Variants in MGAT4D observed in about 807,000 individuals in gnomAD.
The protein encoded by MGAT4D is alpha-1,3-mannosyl-glycoprotein 4-beta-N-acetylglucosaminyltransferase-like protein MGAT4D.
MGAT4D carries 34 observed loss-of-function variants against 15.9 expected under a neutral mutation model. The ratio of observed to expected loss-of-function variants is 2.14; its 90% CI spans 1.62 to 2.84. MGAT4D has a LOEUF of 2.84. MGAT4D is among the 30% of genes most tolerant of loss of function. The pLI is 0.00. For synonymous variants in MGAT4D, 112 were observed against 48.2 expected (o/e 2.33, Z -5.49); for missense variants, 327 against 140.2 (o/e 2.33, Z -6.73).
intron 10 of MGAT4D, among the ~76,000 whole-genome samples, chr4:140,444,702 C>T (rs1168724288): frequency 6.6e-6 from 1 of 151,978 alleles, no homozygotes; most frequent in Non-Finnish European, 1.5e-5. Flanking sequence ...TATGGTAGAA[C>T]GATTTGTATT....
At chr4:140,469,376 C>T (rs898134974) in intron 5 of MGAT4D, among the ~76,000 whole-genome samples, 2 of 152,136 alleles carry the variant, frequency 1.3e-5, no homozygotes, top group African/African-American at 4.8e-5. Flanking sequence ...ATTTAATAAG[C>T]ACAATGGTAT....
chr4:140,454,016 G>C (rs1250052700), intron 9 of MGAT4D, among the ~76,000 whole-genome samples: 1 of 150,750 alleles, frequency 6.6e-6, no homozygotes, highest in South Asian at 2.1e-4. Context: ...GGATGTATGT[G>C]TGTGTGTGTG....
chr4:140,450,570 A>G (rs1053761803), intron 10 of MGAT4D, among the ~76,000 whole-genome samples: 7 of 152,242 alleles, frequency 4.6e-5, no homozygotes, highest in African/African-American at 1.7e-4. Context: ...TGTTCTAGGC[A>G]TGGTTCCAAA....
chr4:140,476,337 T>C (rs527865185), intron 3 of MGAT4D, among the ~76,000 whole-genome samples: 98 of 152,368 alleles, frequency 6.4e-4, no homozygotes, highest in African/African-American at 2.2e-3. Flanking sequence ...AATTGTAATG[T>C]AGTGCAATTT....
At chr4:140,453,676 G>A (rs1293353954) in intron 9 of MGAT4D, among the ~76,000 whole-genome samples, 1 of 151,846 alleles carries the variant, frequency 6.6e-6, no homozygotes, top group Non-Finnish European at 1.5e-5. Context: ...AAGTGAGTGA[G>A]TTCTCATGAG....
In MGAT4D at chr4:140,480,135, A is replaced by T. The variant is rs148297622; in HGVS notation, c.254-508T>A. Among the ~76,000 whole-genome samples the T allele has an allele frequency of 2.0e-3, 305 of 152,268 alleles. 10 individuals carry two copies. In the East Asian group the frequency reaches 0.055, roughly 27 times the overall value. ...TAGTCAAAACAGTGTGATATTATAT[A>T]AAAAAAGATATATAAACAATGGAAC... On this transcript the variant is annotated intron_variant, in intron 2 of 10. Transcript: ENST00000511113.
intron 3 of MGAT4D, among the ~76,000 whole-genome samples, chr4:140,476,792 T>A (rs551237993): frequency 6.6e-6 from 1 of 152,350 alleles, no homozygotes; most frequent in African/African-American, 2.4e-5. Flanking sequence ...TAAATATTAG[T>A]CATTTTGATC....
intron 5 of MGAT4D, among the ~76,000 whole-genome samples, chr4:140,470,240 G>GT (rs918706448): frequency 1.8e-4 from 27 of 152,172 alleles, no homozygotes; most frequent in Middle Eastern, 3.2e-3. Flanking sequence ...GAGTTTTCCT[G>GT]TGCGGACACT....
At chr4:140,484,153 C>G (rs1337295296) in intron 1 of MGAT4D, among the ~76,000 whole-genome samples, 1 of 151,832 alleles carries the variant, frequency 6.6e-6, no homozygotes, top group Non-Finnish European at 1.5e-5. Flanking sequence ...ATTTGCAAAC[C>G]ATACATCTGA....
At chr4:140,472,147 T>C (rs928396504) in intron 4 of MGAT4D, among the ~76,000 whole-genome samples, 1 of 152,168 alleles carries the variant, frequency 6.6e-6, no homozygotes, top group South Asian at 2.1e-4. Context: ...AGTCTAAAAA[T>C]GGTCATCTGT....
In MGAT4D at chr4:140,482,408, T is replaced by C. The variant is rs111869533; in HGVS notation, c.172A>G (p.Lys58Glu). 10,239 of 653,184 alleles carry C rather than the reference T, an allele frequency of 0.016. 124 individuals are homozygous for C. The highest frequency in any genetic ancestry group is 0.02 in the Non-Finnish European group (7,215 of 366,376). 40.5% of individuals were successfully genotyped at this position (653,184 alleles called of 1,614,324 possible). Residue 58 changes from lysine to glutamate, a missense_variant, in exon 2 of 11, where the codon AAA becomes GAA. Physicochemically the swap from Lys to Glu is moderately conservative, Grantham distance 56. Coordinates refer to ENST00000511113, the MANE Select transcript of MGAT4D (RefSeq NM_001277353.2). ...NMLHLRNKTE[K>E]NTQEMMKVLN... The stretch of plus-strand genomic sequence containing the variant: ...ACTTTCATCATCTCTTGGGTATTTT[T>C]TTCAGTTTTGTTTCTTAAGTGTAGC...
rs2270564 is a variant in MGAT4D at position 140,498,120 on chromosome 4, G to T, written c.94+9C>A. The stretch of plus-strand genomic sequence containing the variant: ...GGGAAAGGAGGCGGGAGGAGGGCCC[G>T]CCGCTTACTGGTTTGAGTTATCCTG... On this transcript the variant is annotated intron_variant, in intron 1 of 10. Coordinates refer to ENST00000511113, the MANE Select transcript of MGAT4D (RefSeq NM_001277353.2). The T allele has an allele frequency of 0.12, 84,048 of 696,410 alleles. 5,544 individuals carry two copies. The highest frequency in any genetic ancestry group is 0.21 in the Admixed American group (10,489 of 49,358). The allele number at this position is 696,410 out of a possible 1,614,324, so 43.1% of individuals were successfully genotyped here.
At chr4:140,482,670 AG>A (rs1313272739) in intron 1 of MGAT4D, among the ~76,000 whole-genome samples, 185 bp from the exon 2 acceptor site, 1 of 152,018 alleles carries the variant, frequency 6.6e-6, no homozygotes, top group Non-Finnish European at 1.5e-5. Context: ...ATACGTGCAT[AG>A]GTACAAATAT....
At chr4:140,459,648 G>T (rs989780671) in intron 7 of MGAT4D, 22 bp from the exon 8 acceptor site, 8 of 420,556 alleles carry the variant, frequency 1.9e-5, no homozygotes, top group Middle Eastern at 3.5e-4. Context: ...AACCCAAAAA[G>T]ACATTAATAT....
chr4:140,483,560 C>T (rs1402287286), intron 1 of MGAT4D, among the ~76,000 whole-genome samples: 1 of 152,002 alleles, frequency 6.6e-6, no homozygotes, highest in African/African-American at 2.4e-5. Context: ...AAAGCCAAAG[C>T]AATCTTGAAT....
intron 3 of MGAT4D, 65 bp downstream of exon 3, chr4:140,479,425 C>T: frequency 2.6e-6 from 1 of 390,052 alleles, no homozygotes. Context: ...CATCTTAAAA[C>T]TTAAAAGTAT....
At chr4:140,462,441 AT>A (rs1366927554) in intron 6 of MGAT4D, 1 of 153,258 alleles carries the variant, frequency 6.5e-6, no homozygotes, top group East Asian at 1.9e-4. Flanking sequence ...GCTACAGAGT[AT>A]TAATATTTCT....
intron 5 of MGAT4D, among the ~76,000 whole-genome samples, chr4:140,465,735 A>G (rs1414496029): frequency 1.3e-5 from 2 of 152,222 alleles, no homozygotes; most frequent in East Asian, 1.9e-4. Context: ...ATTTTGTACT[A>G]CATAAAAAAT....
At chr4:140,452,004 A>C (rs1730503180) in intron 9 of MGAT4D, among the ~76,000 whole-genome samples, 3 of 151,946 alleles carry the variant, frequency 2.0e-5, no homozygotes, top group South Asian at 2.1e-4. Flanking sequence ...CAAAAAAAAA[A>C]AAAAAAAAGA....
Sources: allele counts gnomAD v4.1 joint callset (sites outside exome capture counted in the v4.1 genomes callset), GRCh38; gene constraint gnomAD v4.1.1; transcripts MANE v1.5; gene names NCBI Gene and HGNC (gene_info 2026-07-23, HGNC 2026-07-21).